Variants in PEAK1 observed in about 807,000 individuals in gnomAD.
PEAK1 encodes inactive tyrosine-protein kinase PEAK1.
Under a neutral mutation model 124.7 loss-of-function variants are expected in PEAK1, and 54 were observed. That is an observed-to-expected ratio of 0.43 (90% CI 0.35 to 0.54). PEAK1 has a LOEUF of 0.54. Ranked by LOEUF, PEAK1 falls within the 20% of genes least tolerant of loss-of-function variation. PEAK1 has a pLI of 0.01. For synonymous variants in PEAK1, 719 were observed against 760.0 expected (o/e 0.95, Z 0.89); for missense variants, 2,046 against 2,134.5 (o/e 0.96, Z 0.82).
intron 1 of PEAK1, among the ~76,000 whole-genome samples, chr15:77,368,332 A>G (rs2068400885): frequency 1.3e-5 from 2 of 152,138 alleles, no homozygotes; most frequent in Admixed American, 6.6e-5. Flanking sequence ...CCTGGCCAAC[A>G]TTATGAAACC....
chr15:77,185,037 G>A (rs759612317), intron 6 of PEAK1, among the ~76,000 whole-genome samples: 27 of 152,236 alleles, frequency 1.8e-4, no homozygotes, highest in Admixed American at 9.8e-4. Flanking sequence ...GACTGACATA[G>A]GCAAACTAAG....
intron 1 of PEAK1, chr15:77,371,520 C>T (rs1274297688): frequency 2.6e-6 from 2 of 775,034 alleles, no homozygotes; most frequent in East Asian, 2.5e-4. Flanking sequence ...CCACCACCAC[C>T]ACCACCACCA....
intron 9 of PEAK1, 129 bp downstream of exon 9, chr15:77,132,876 T>G: frequency 1.2e-6 from 1 of 851,778 alleles, no homozygotes; most frequent in Non-Finnish European, 1.8e-6. Flanking sequence ...TAGTATCTGG[T>G]AAGAGGTAGA....
intron 2 of PEAK1, among the ~76,000 whole-genome samples, chr15:77,327,660 T>C (rs1482122118): frequency 2.0e-5 from 3 of 152,040 alleles, no homozygotes; most frequent in African/African-American, 4.8e-5. Flanking sequence ...ATTGTTGTTG[T>C]TGTTTTTTTA....
intron 2 of PEAK1, among the ~76,000 whole-genome samples, chr15:77,287,625 A>G (rs980614967): frequency 6.6e-6 from 1 of 151,816 alleles, no homozygotes; most frequent in Non-Finnish European, 1.5e-5. Flanking sequence ...CTCTACTCAC[A>G]TTTTCTGTAT....
chr15:77,417,136 C>T lies in PEAK1; in HGVS notation c.-666+2870G>A, dbSNP rs186286483. On this transcript the variant is annotated intron_variant, in intron 1 of 9. Transcript: ENST00000682557. Reference sequence around the variant, plus strand: ...CTGAGTCAGCTACCCCTCCTCTGTGCTTCCATCCATAGGAATGTGTGCATG... The same window carrying T: ...CTGAGTCAGCTACCCCTCCTCTGTGTTTCCATCCATAGGAATGTGTGCATG... Among the ~76,000 whole-genome samples, 7 of 152,170 alleles carry T rather than the reference C, an allele frequency of 4.6e-5. No individual in the cohort carries two copies. In the East Asian group the frequency reaches 5.8e-4, roughly 13 times the overall value.
intron 5 of PEAK1, among the ~76,000 whole-genome samples, chr15:77,270,939 T>C (rs1308018353): frequency 6.6e-6 from 1 of 152,124 alleles, no homozygotes; most frequent in African/African-American, 2.4e-5. Flanking sequence ...TGGGATCTAA[T>C]TAAACTAAAG....
intron 6 of PEAK1, among the ~76,000 whole-genome samples, chr15:77,232,029 G>T (rs902789033): frequency 6.6e-6 from 1 of 152,096 alleles, no homozygotes; most frequent in African/African-American, 2.4e-5. Flanking sequence ...TTCAAGAGTG[G>T]CCCACAGCCC....
chr15:77,212,597 A>G (rs938849492), intron 6 of PEAK1, among the ~76,000 whole-genome samples: 4 of 152,214 alleles, frequency 2.6e-5, no homozygotes, highest in Non-Finnish European at 5.9e-5. Flanking sequence ...AGAATTTGAT[A>G]AAGTTTTATT....
intron 6 of PEAK1, among the ~76,000 whole-genome samples, chr15:77,211,222 T>G (rs1480903933): frequency 6.6e-6 from 1 of 152,184 alleles, no homozygotes; most frequent in Non-Finnish European, 1.5e-5. Flanking sequence ...ACAAGAAGTA[T>G]ACTGTCCCTA....
At chr15:77,417,581 G>T in intron 1 of PEAK1, 1 of 985,202 alleles carries the variant, frequency 1.0e-6, no homozygotes, top group East Asian at 1.1e-4. Flanking sequence ...CTGATATGGA[G>T]CCTTGTACTC....
intron 6 of PEAK1, among the ~76,000 whole-genome samples, chr15:77,188,666 C>T (rs1467608312): frequency 2.0e-5 from 3 of 151,972 alleles, no homozygotes; most frequent in Non-Finnish European, 4.4e-5. Context: ...TTTGTTGAAA[C>T]CCTATTTATC....
At chr15:77,333,548 C>T in intron 2 of PEAK1, 1 of 877,648 alleles carries the variant, frequency 1.1e-6, no homozygotes, top group Non-Finnish European at 1.4e-6. Flanking sequence ...TACACACACA[C>T]ATTTCCTTAT....
intron 1 of PEAK1, among the ~76,000 whole-genome samples, chr15:77,414,881 C>T (rs767154702): frequency 2.0e-5 from 3 of 152,190 alleles, no homozygotes; most frequent in Non-Finnish European, 4.4e-5. Flanking sequence ...GCTTCCAGCT[C>T]ATAATCCAGG....
Position 77,335,432 on chromosome 15 carries a change from T to C in PEAK1, c.-603+29731A>G, listed in dbSNP as rs1022317841. The C allele has an allele frequency of 3.0e-6, 3 of 985,266 alleles. No homozygotes were observed. The African/African-American group carries it at 5.2e-5, about 17-fold the overall frequency. 61.0% of individuals were successfully genotyped at this position (985,266 alleles called of 1,614,324 possible). A position where few individuals can be genotyped will look rare whatever the true frequency, so the allele number is the denominator to read the frequency against. ...ATAGGAAACTTTTTTTTCTGCTATTTTGCCCAATACTGTTGTCTGTATTCT... is the reference window on the plus strand; with the variant it reads ...ATAGGAAACTTTTTTTTCTGCTATTCTGCCCAATACTGTTGTCTGTATTCT... On this transcript the variant is annotated intron_variant, in intron 2 of 9. Transcript: ENST00000682557.
At chr15:77,322,763 T>C (rs2065307657) in intron 2 of PEAK1, among the ~76,000 whole-genome samples, 1 of 152,186 alleles carries the variant, frequency 6.6e-6, no homozygotes, top group African/African-American at 2.4e-5. Flanking sequence ...GAGGGAATCC[T>C]CCCTAACTCA....
At chr15:77,118,430 A>G (rs1229181980) in intron 9 of PEAK1, among the ~76,000 whole-genome samples, 1 of 152,168 alleles carries the variant, frequency 6.6e-6, no homozygotes, top group Admixed American at 6.5e-5. Context: ...GTTAAAAAAA[A>G]AACCTCAAAA....
chr15:77,275,639 C>T (rs917972134), intron 5 of PEAK1, among the ~76,000 whole-genome samples: 1 of 151,774 alleles, frequency 6.6e-6, no homozygotes, highest in African/African-American at 2.4e-5. Context: ...TTGCTTGAAC[C>T]CGGGAGACGG....
intron 6 of PEAK1, among the ~76,000 whole-genome samples, chr15:77,210,185 T>C (rs2058840196): frequency 6.6e-6 from 1 of 152,222 alleles, no homozygotes; most frequent in East Asian, 1.9e-4. Context: ...ACTAAGGCAA[T>C]ATAATGCAAT....
Sources: gnomAD v4.1 joint callset for allele counts (sites outside exome capture counted in the v4.1 genomes callset) on GRCh38, gnomAD v4.1.1 for gene constraint, MANE v1.5 for transcripts, NCBI Gene and HGNC (gene_info 2026-07-23, HGNC 2026-07-21) for gene names.